Variants in XKR6 observed in about 807,000 individuals in gnomAD.
XKR6 encodes XK-related protein 6.
Under a neutral mutation model 56.7 loss-of-function variants are expected in XKR6, and 22 were observed. The observed-to-expected ratio is 0.39, with a 90% CI of 0.28 to 0.55. The LOEUF (loss-of-function observed/expected upper bound fraction) is 0.55, where lower values mean the gene tolerates loss of function less well. Among genes scored for constraint, XKR6 ranks in the 20% least tolerant of loss-of-function variants. XKR6 has a pLI of 0.66. For synonymous variants in XKR6, 524 were observed against 387.8 expected (o/e 1.35, Z -4.13); for missense variants, 852 against 889.0 (o/e 0.96, Z 0.53).
At chr8:11,056,536 C>G (rs759479044) in intron 1 of XKR6, among the ~76,000 whole-genome samples, 1 of 152,158 alleles carries the variant, frequency 6.6e-6, no homozygotes, top group Non-Finnish European at 1.5e-5. Flanking sequence ...CCAAATGCAA[C>G]TCCTCAAAGA....
At chr8:11,069,311 TTCTC>T (rs1263490440) in intron 1 of XKR6, among the ~76,000 whole-genome samples, 1 of 151,894 alleles carries the variant, frequency 6.6e-6, no homozygotes, top group East Asian at 1.9e-4. Flanking sequence ...CTGGGGTTCT[TTCTC>T]AGTCTGAAGC....
At chr8:11,076,601 A>G (rs1800280577) in intron 1 of XKR6, among the ~76,000 whole-genome samples, 1 of 152,146 alleles carries the variant, frequency 6.6e-6, no homozygotes, top group Non-Finnish European at 1.5e-5. Context: ...TAACCTATAA[A>G]TTGATGCCAA....
At chr8:11,126,472 G>A (rs80286054) in intron 1 of XKR6, among the ~76,000 whole-genome samples, 1 of 151,432 alleles carries the variant, frequency 6.6e-6, no homozygotes, top group African/African-American at 2.4e-5. Context: ...TTTTTTTTAA[G>A]TTCTAAAAGC....
chr8:11,199,724 G>T (rs756554362), intron 1 of XKR6, among the ~76,000 whole-genome samples: 1 of 152,140 alleles, frequency 6.6e-6, no homozygotes, highest in Non-Finnish European at 1.5e-5. Flanking sequence ...GGTTTGTGAG[G>T]GACTGAACTG....
chr8:11,062,689 T>G (rs1200183280), intron 1 of XKR6: 2 of 453,578 alleles, frequency 4.4e-6, no homozygotes, highest in Non-Finnish European at 8.8e-6. Context: ...TGGTTTTTAG[T>G]TAGAGTTTCA....
At chr8:10,954,886 T>TTTTTTTTTTTTTTTTG (rs1801834290) in intron 1 of XKR6, among the ~76,000 whole-genome samples, 9 of 147,422 alleles carry the variant, frequency 6.1e-5, no homozygotes, top group South Asian at 2.1e-4. Flanking sequence ...TTTTTTTTTT[T>TTTTTTTTTTTTTTTTG]AGACAGAGTT....
At chr8:11,056,159 T>C (rs1799679729) in intron 1 of XKR6, among the ~76,000 whole-genome samples, 1 of 152,132 alleles carries the variant, frequency 6.6e-6, no homozygotes, top group Admixed American at 6.5e-5. Context: ...GAGCGCTAGA[T>C]GAGAGAGGCT....
intron 1 of XKR6, among the ~76,000 whole-genome samples, chr8:11,005,365 TAG>T (rs144140664): frequency 0.041 from 6,201 of 150,768 alleles, 303 homozygotes; most frequent in African/African-American, 0.12. Context: ...GTAGTAGATA[TAG>T]ATATATATAT....
chr8:11,076,075 C>A (rs1008503424), intron 1 of XKR6, among the ~76,000 whole-genome samples: 2 of 152,150 alleles, frequency 1.3e-5, no homozygotes, highest in Non-Finnish European at 1.5e-5. Flanking sequence ...CACTACAACA[C>A]GGGCGAACCT....
At chr8:11,193,913 G>T (rs1270891487) in intron 1 of XKR6, among the ~76,000 whole-genome samples, 1 of 152,076 alleles carries the variant, frequency 6.6e-6, no homozygotes, top group Non-Finnish European at 1.5e-5. Flanking sequence ...AGCTGAAATT[G>T]CAAATTCACA....
intron 1 of XKR6, chr8:11,137,189 C>T (rs1800444980): frequency 5.8e-6 from 1 of 172,356 alleles, no homozygotes; most frequent in Admixed American, 5.9e-5. Flanking sequence ...CATCATCATG[C>T]TAAAACATAC....
intron 1 of XKR6, chr8:11,194,990 G>C (rs1433428595): frequency 1.8e-6 from 1 of 564,690 alleles, no homozygotes; most frequent in African/African-American, 1.9e-5. Flanking sequence ...AAGTTTTTAG[G>C]GTTACTGTTC....
chr8:10,910,618 G>A (rs1800323697), intron 2 of XKR6, among the ~76,000 whole-genome samples: 1 of 152,192 alleles, frequency 6.6e-6, no homozygotes, highest in South Asian at 2.1e-4. Context: ...CTGGCTGGGG[G>A]CTGGCGGCCA....
chr8:11,162,141 T>A (rs1477238247), intron 1 of XKR6, among the ~76,000 whole-genome samples: 2 of 152,128 alleles, frequency 1.3e-5, no homozygotes, highest in African/African-American at 4.8e-5. Flanking sequence ...CCCACCTAAT[T>A]GTAAAAGGAA....
At chr8:11,033,387 G>A (rs1277918411) in intron 1 of XKR6, among the ~76,000 whole-genome samples, 3 of 151,058 alleles carry the variant, frequency 2.0e-5, no homozygotes, top group Non-Finnish European at 4.4e-5. Flanking sequence ...TGGTGGTGAT[G>A]ATGATGATGA....
intron 2 of XKR6, among the ~76,000 whole-genome samples, chr8:10,903,011 G>A (rs562469161): frequency 2.0e-4 from 30 of 152,200 alleles, no homozygotes; most frequent in African/African-American, 6.8e-4. Flanking sequence ...GACCAGGAAA[G>A]CCAGGCTCAC....
At chr8:11,118,365 A>T (rs1345482482) in intron 1 of XKR6, among the ~76,000 whole-genome samples, 1 of 152,188 alleles carries the variant, frequency 6.6e-6, no homozygotes, top group Admixed American at 6.5e-5. Flanking sequence ...ATTGATTGGA[A>T]TAGTTTCAGA....
rs575628480 is a variant in XKR6, at chr8:11,135,785, C to T, written c.764+64791G>A. Among the ~76,000 whole-genome samples the T allele has an allele frequency of 1.1e-4, 17 of 151,330 alleles. 2 individuals carry two copies. The highest frequency in any genetic ancestry group is 3.9e-4 in the African/African-American group (16 of 41,254). ...AAAACCACCATACAGAAAAAAATTT[C>T]ATATAAATTCAAGATCTAAATAATT... On this transcript the variant is annotated intron_variant, in intron 1 of 2. Transcript: ENST00000416569.
Position 10,897,754 on chromosome 8 carries a change from C to T in XKR6, c.*198G>A, listed in dbSNP as rs200039583. On this transcript the variant is annotated 3_prime_UTR_variant, in exon 3 of 3. Transcript: ENST00000416569. ...AGAGAATATCTTTGTATACATACAG[C>T]GACTGGAAAGAAAGCTTATTTGAAG... 251 of 567,702 alleles carry T rather than the reference C, an allele frequency of 4.4e-4. 2 individuals carry two copies. The East Asian group carries it at 7.2e-3, about 16-fold the overall frequency. 35.2% of individuals were successfully genotyped at this position (567,702 alleles called of 1,614,324 possible). A position where few individuals can be genotyped will look rare whatever the true frequency, so the allele number is the denominator to read the frequency against.
Sources: gnomAD v4.1 joint callset for allele counts (sites outside exome capture counted in the v4.1 genomes callset) on GRCh38, gnomAD v4.1.1 for gene constraint, MANE v1.5 for transcripts, NCBI Gene and HGNC (gene_info 2026-07-23, HGNC 2026-07-21) for gene names.